Variants in ULK4 observed in about 807,000 individuals in gnomAD.
The protein encoded by ULK4 is inactive serine/threonine-protein kinase ULK4.
ULK4 carries 133 observed loss-of-function variants against 160.6 expected under a neutral mutation model. That is an observed-to-expected ratio of 0.83 (90% CI 0.72 to 0.96). The LOEUF (loss-of-function observed/expected upper bound fraction) is 0.96. Among genes scored for constraint, ULK4 ranks in the 40% least tolerant of loss-of-function variants. The pLI is 0.00. For missense variants in ULK4, 1,580 were observed against 1,499.5 expected, an observed-to-expected ratio of 1.05 and a Z score of -0.89; for synonymous variants, 534 against 539.8, an observed-to-expected ratio of 0.99 and a Z score of 0.15.
chr3:41,324,489 A>G (rs2080305362), intron 35 of ULK4, among the ~76,000 whole-genome samples: 1 of 152,206 alleles, frequency 6.6e-6, no homozygotes, highest in South Asian at 2.1e-4. Context: ...TTGCCAGGAA[A>G]AGAAAATATG....
At chr3:41,502,792 T>A (rs903648) in intron 32 of ULK4, among the ~76,000 whole-genome samples, 1 of 152,040 alleles carries the variant, frequency 6.6e-6, no homozygotes. Flanking sequence ...GTGGGAGGGG[T>A]TGAGGGAATT....
At chr3:41,307,262 G>A (rs72863451) in intron 35 of ULK4, among the ~76,000 whole-genome samples, 2,028 of 152,106 alleles carry the variant, frequency 0.013, 52 homozygotes, top group African/African-American at 0.047. Flanking sequence ...GATTCCATGT[G>A]CCACCCTTGG....
At chr3:41,513,412 C>T (rs983034262) in intron 32 of ULK4, among the ~76,000 whole-genome samples, 6 of 152,174 alleles carry the variant, frequency 3.9e-5, no homozygotes, top group South Asian at 2.1e-4. Context: ...CCAAGGTAGG[C>T]GGATCATGAG....
intron 22 of ULK4, among the ~76,000 whole-genome samples, chr3:41,748,033 TGAGA>T (rs1045695724): frequency 1.1e-4 from 16 of 151,920 alleles, no homozygotes; most frequent in Admixed American, 1.1e-3. Flanking sequence ...AAATTAAGGA[TGAGA>T]GAATTTTACT....
At chr3:41,832,179 T>C (rs1325403592) in intron 18 of ULK4, among the ~76,000 whole-genome samples, 4 of 152,340 alleles carry the variant, frequency 2.6e-5, no homozygotes, top group African/African-American at 9.6e-5. Flanking sequence ...GCATTCTTAT[T>C]TCTCCACAGC....
At position 41,733,725 on chromosome 3, in the gene ULK4, A is replaced by ATTTTTTT. The variant is rs778572755; in HGVS notation, c.2322-15871_2322-15865dup. On this transcript the variant is annotated intron_variant, in intron 22 of 36. Coordinates refer to ENST00000301831, the MANE Select transcript of ULK4 (RefSeq NM_017886.4). ...TGCCTTGAATTCAACTAAACACATG[A>ATTTTTTT]TTTTTTTTTTTTTTTTTTTTTTTTT... Among the ~76,000 whole-genome samples the ATTTTTTT allele has an allele frequency of 1.5e-3, 136 of 93,598 alleles. 28 individuals carry two copies. Among genetic ancestry groups the ATTTTTTT allele is most frequent in the African/African-American group, 8.2e-3 (131 of 15,970 alleles). 61.4% of individuals were successfully genotyped at this position (93,598 alleles called of 152,430 possible). A position where few individuals can be genotyped will look rare whatever the true frequency, so the allele number is the denominator to read the frequency against.
chr3:41,445,047 G>A (rs1363916156), intron 34 of ULK4, among the ~76,000 whole-genome samples: 5 of 152,078 alleles, frequency 3.3e-5, no homozygotes, highest in East Asian at 1.9e-4. Context: ...AAATCAATGT[G>A]CAAAAATCAC....
At position 41,900,714 on chromosome 3, in the gene ULK4, T is replaced by C; in HGVS notation, c.1287+11A>G. ...AGTCTACAACTCAGTTGTTAGAGTG[T>C]CTTTCTGCACCTTTGGATTGTCGAT... On this transcript the variant is annotated intron_variant, in intron 13 of 36. Coordinates refer to ENST00000301831, the MANE Select transcript of ULK4 (RefSeq NM_017886.4). The C allele has an allele frequency of 1.2e-6, 2 of 1,607,506 alleles. No individual in the cohort carries two copies. Among genetic ancestry groups the C allele is most frequent in the Non-Finnish European group, 1.7e-6 (2 of 1,175,654 alleles).
At position 41,860,354 on chromosome 3, in the gene ULK4, C is replaced by CCT. The variant is rs531203019; in HGVS notation, c.1656+23518_1656+23519dup. On this transcript the variant is annotated intron_variant, in intron 17 of 36. Transcript: ENST00000301831. The stretch of plus-strand genomic sequence containing the variant: ...GTCTCCAGCCATTATTGTATCAAGG[C>CCT]CTCTCTCTTTAGGTCTAATAATATT... Among the ~76,000 whole-genome samples the CCT allele has an allele frequency of 1.2e-3, 182 of 152,170 alleles. 1 individual carries two copies. In the Middle Eastern group the frequency reaches 0.014, roughly 11 times the overall value.
At chr3:41,370,872 C>T (rs2081350501) in intron 35 of ULK4, among the ~76,000 whole-genome samples, 1 of 152,178 alleles carries the variant, frequency 6.6e-6, no homozygotes, top group Admixed American at 6.5e-5. Flanking sequence ...CCCCATGGAG[C>T]CCAGCAAGCT....
intron 35 of ULK4, among the ~76,000 whole-genome samples, chr3:41,390,089 G>A (rs1559563602): frequency 6.6e-6 from 1 of 152,078 alleles, no homozygotes; most frequent in Non-Finnish European, 1.5e-5. Context: ...CTTCTTCCTG[G>A]TTTAGTCTTG....
chr3:41,249,572 G>C lies in ULK4; in HGVS notation c.3681C>G (p.Ile1227Met). The change falls in exon 36 of 37, where the codon ATC becomes ATG. Residue 1227 changes from isoleucine to methionine, a missense_variant and splice_region_variant. Physicochemically the swap from Ile to Met is conservative, Grantham distance 10 (BLOSUM62 1). Transcript: ENST00000301831. ...TCTCCAAGTGCTTCTCATTGGAGGT[G>C]ATCTGCAAGGGCAGGAGGAAGAAGA... ...KLLLRILRRM[I>M]TSNEKHLESL... 6.2e-7 allele frequency: 1 copy of C among 1,613,676 alleles called. No individual in the cohort carries two copies.
At chr3:41,455,097 G>T (rs750497001) in intron 34 of ULK4, among the ~76,000 whole-genome samples, 2 of 152,024 alleles carry the variant, frequency 1.3e-5, no homozygotes, top group Non-Finnish European at 2.9e-5. Context: ...TGAGATTGAG[G>T]GGGTGGGCCC....
intron 17 of ULK4, among the ~76,000 whole-genome samples, chr3:41,864,415 A>G (rs2042572176): frequency 6.6e-6 from 1 of 151,878 alleles, no homozygotes; most frequent in Non-Finnish European, 1.5e-5. Flanking sequence ...CAGCGATATG[A>G]GATTAAAACC....
At chr3:41,657,448 T>C (rs2034979130) in intron 30 of ULK4, among the ~76,000 whole-genome samples, 1 of 152,140 alleles carries the variant, frequency 6.6e-6, no homozygotes, top group South Asian at 2.1e-4. Flanking sequence ...TTGTAACAAA[T>C]GGTTCATGGT....
chr3:41,806,798 T>A (rs1559567472), intron 19 of ULK4, among the ~76,000 whole-genome samples: 1 of 152,154 alleles, frequency 6.6e-6, no homozygotes, highest in African/African-American at 2.4e-5. Flanking sequence ...TTCATAAAAA[T>A]TTTAAATTTC....
intron 36 of ULK4, 104 bp from the exon 37 acceptor site, chr3:41,247,096 A>T (rs2078659608): frequency 3.6e-6 from 4 of 1,097,366 alleles, no homozygotes; most frequent in African/African-American, 1.6e-5. Context: ...TATCTGGTGG[A>T]CCAGCTGCAG....
chr3:41,660,749 G>A (rs936679031), intron 30 of ULK4, among the ~76,000 whole-genome samples: 12 of 152,078 alleles, frequency 7.9e-5, no homozygotes, highest in African/African-American at 1.2e-4. Context: ...TTATTTTAAC[G>A]CTGTTTTTCA....
intron 18 of ULK4, among the ~76,000 whole-genome samples, chr3:41,829,683 T>G (rs1207209760): frequency 1.3e-5 from 2 of 152,108 alleles, no homozygotes; most frequent in Non-Finnish European, 2.9e-5. Flanking sequence ...TAGGAACACT[T>G]TTACAGTGTT....
Sources: gnomAD v4.1 joint callset for allele counts (sites outside exome capture counted in the v4.1 genomes callset) on GRCh38, gnomAD v4.1.1 for gene constraint, MANE v1.5 for transcripts, NCBI Gene and HGNC (gene_info 2026-07-23, HGNC 2026-07-21) for gene names.